CORO2B: variants seen among roughly 807,000 people sequenced by gnomAD.
The protein encoded by CORO2B is coronin-2B.
Under a neutral mutation model 58.8 loss-of-function variants are expected in CORO2B, and 26 were observed. The observed-to-expected ratio is 0.44, with a 90% CI of 0.32 to 0.61. CORO2B has a LOEUF of 0.61. CORO2B is among the 20% of genes least tolerant of loss of function. The pLI is 0.04. For missense variants in CORO2B, 460 were observed against 645.1 expected (o/e 0.71, Z 3.11); for synonymous variants, 242 against 253.8 (o/e 0.95, Z 0.44).
chr15:68,595,747 G>C (rs1410644206), intron 1 of CORO2B, among the ~76,000 whole-genome samples: 2 of 152,230 alleles, frequency 1.3e-5, no homozygotes, highest in Non-Finnish European at 2.9e-5. Flanking sequence ...CACACAGAGG[G>C]GACCAATTTC....
intron 2 of CORO2B, among the ~76,000 whole-genome samples, chr15:68,647,900 G>T (rs547693254): frequency 6.6e-6 from 1 of 150,518 alleles, no homozygotes; most frequent in Non-Finnish European, 1.5e-5. Context: ...ATGATGGCTT[G>T]CCCTGAAGTC....
At chr15:68,567,248 A>G in the CORO2B span, among the ~76,000 whole-genome samples, 2 of 152,224 alleles carry the variant, frequency 1.3e-5, no homozygotes, top group African/African-American at 4.8e-5. Context: ...ACAAGAGAAA[A>G]GCACATAAAT....
At chr15:68,636,822 G>T (rs1901046749) in intron 1 of CORO2B, among the ~76,000 whole-genome samples, 2 of 152,172 alleles carry the variant, frequency 1.3e-5, no homozygotes, top group Non-Finnish European at 2.9e-5. Flanking sequence ...GCTAATTGAT[G>T]TCTTTTCTCC....
intron 1 of CORO2B, among the ~76,000 whole-genome samples, chr15:68,643,297 G>A (rs1232542662): frequency 6.6e-6 from 1 of 152,054 alleles, no homozygotes; most frequent in Non-Finnish European, 1.5e-5. Context: ...GCTTGGGGAG[G>A]GGAGGGGAGA....
intron 1 of CORO2B, among the ~76,000 whole-genome samples, chr15:68,610,924 C>T (rs182863423): frequency 3.3e-5 from 5 of 152,312 alleles, no homozygotes; most frequent in Admixed American, 1.3e-4. Flanking sequence ...CCTTCCATTC[C>T]ACACCCTCGA....
intron 1 of CORO2B, among the ~76,000 whole-genome samples, chr15:68,635,173 C>T (rs1900992194): frequency 6.6e-6 from 1 of 152,208 alleles, no homozygotes. Context: ...CACCTTCACT[C>T]CTCTCCCCAC....
chr15:68,719,650 G>A, intron 11 of CORO2B, 98 bp downstream of exon 11: 1 of 1,374,524 alleles, frequency 7.3e-7, no homozygotes, highest in Non-Finnish European at 9.8e-7. Flanking sequence ...TCCATTCTGA[G>A]ACATTTTTCT....
At chr15:68,676,680 TGAG>T (rs1384049494) in intron 2 of CORO2B, among the ~76,000 whole-genome samples, 1 of 152,238 alleles carries the variant, frequency 6.6e-6, no homozygotes, top group Admixed American at 6.5e-5. Context: ...CGCAGCCACC[TGAG>T]GAGAGTGTTT....
At chr15:68,696,432 C>T (rs1596021480) in intron 3 of CORO2B, among the ~76,000 whole-genome samples, 1 of 151,620 alleles carries the variant, frequency 6.6e-6, no homozygotes, top group African/African-American at 2.4e-5. Context: ...CCCTGTAATC[C>T]CAGCTATTCG....
In CORO2B at chr15:68,691,327, C is replaced by CAAAAAAAAAAAAAAAAA. The variant is rs1192260415; in HGVS notation, c.217-3797_217-3796insAAAAAAAAAAAAAAAAA. Among the ~76,000 whole-genome samples, 3 of 9,542 alleles carry CAAAAAAAAAAAAAAAAA rather than the reference C, an allele frequency of 3.1e-4. 1 individual carries two copies. The highest frequency in any genetic ancestry group is 3.7e-4 in the African/African-American group (2 of 5,468). 6.3% of individuals were successfully genotyped at this position (9,542 alleles called of 152,430 possible). A position where few individuals can be genotyped will look rare whatever the true frequency, so the allele number is the denominator to read the frequency against. On this transcript the variant is annotated intron_variant, in intron 2 of 11. Coordinates refer to ENST00000261861, the MANE Select transcript of CORO2B (RefSeq NM_006091.5). ...CCTGGGAGACAGCGAGACTCCGTCT[C>CAAAAAAAAAAAAAAAAA]AAAAAAAAAAAAAAAAGGCCGGGCG...
Position 68,663,611 on chromosome 15 carries a change from C to T in CORO2B, c.216+18251C>T, listed in dbSNP as rs118151369. On this transcript the variant is annotated intron_variant, in intron 2 of 11. Coordinates refer to ENST00000261861, the MANE Select transcript of CORO2B (RefSeq NM_006091.5). ...ATCAAAATTAAAAACTTTTGCTCAT[C>T]GAAAGATTCATTAACAAAGTGAAAA... Among the ~76,000 whole-genome samples, 242 of 152,072 alleles carry T rather than the reference C, an allele frequency of 1.6e-3. 7 individuals carry two copies. In the East Asian group the frequency reaches 0.043, roughly 27 times the overall value.
intron 1 of CORO2B, among the ~76,000 whole-genome samples, chr15:68,607,872 A>G (rs1566983790): frequency 6.6e-6 from 1 of 152,126 alleles, no homozygotes; most frequent in South Asian, 2.1e-4. Context: ...CTCCTTTCTA[A>G]GAGAGGTCAG....
Position 68,725,858 on chromosome 15 carries a change from T to G in CORO2B, c.1327T>G (p.Phe443Val). The G allele has an allele frequency of 6.2e-7, 1 of 1,613,922 alleles. No homozygotes were observed. The highest frequency in any genetic ancestry group is 8.5e-7 in the Non-Finnish European group (1 of 1,180,004). ...TCCACCCCAGCTCCTTCGAATGTTCTTCCGGCAGCAGGATGAGATTCGACG... is the reference window on the plus strand; with the variant it reads ...TCCACCCCAGCTCCTTCGAATGTTCGTCCGGCAGCAGGATGAGATTCGACG... ...RTENELLRMF[F>V]RQQDEIRRLK... Residue 443 changes from phenylalanine to valine, a missense_variant, in exon 12 of 12, where the codon TTC becomes GTC. Coordinates refer to ENST00000261861, the MANE Select transcript of CORO2B (RefSeq NM_006091.5).
chr15:68,598,546 A>G (rs1044406473), intron 1 of CORO2B, among the ~76,000 whole-genome samples: 1 of 152,136 alleles, frequency 6.6e-6, no homozygotes, highest in East Asian at 1.9e-4. Flanking sequence ...TTCACACCCT[A>G]GACTAGAGAA....
intron 1 of CORO2B, among the ~76,000 whole-genome samples, chr15:68,626,136 CTT>C (rs1900675610): frequency 6.6e-6 from 1 of 152,210 alleles, no homozygotes. Context: ...AAGACTCACT[CTT>C]CAGCAATTTT....
chr15:68,714,908 C>T, intron 7 of CORO2B, among the ~76,000 whole-genome samples: 1 of 152,180 alleles, frequency 6.6e-6, no homozygotes, highest in East Asian at 1.9e-4. Flanking sequence ...TCAGAGCCTG[C>T]AGTGTAGTCA....
At chr15:68,536,497 C>T in the CORO2B span, among the ~76,000 whole-genome samples, 1 of 152,188 alleles carries the variant, frequency 6.6e-6, no homozygotes, top group Non-Finnish European at 1.5e-5. Context: ...CACAGCATTT[C>T]AGAACGTTGG....
the CORO2B span, among the ~76,000 whole-genome samples, chr15:68,553,396 C>T: frequency 0.025 from 3,736 of 151,970 alleles, 163 homozygotes; most frequent in African/African-American, 0.083. Flanking sequence ...GGTTGGAGAG[C>T]GAGATGTGAT....
chr15:68,723,794 A>G (rs1596042457), intron 11 of CORO2B, among the ~76,000 whole-genome samples: 2 of 152,176 alleles, frequency 1.3e-5, no homozygotes, highest in African/African-American at 4.8e-5. Flanking sequence ...AACATAAAAC[A>G]TGCGAGGTGT....
Sources: allele counts gnomAD v4.1 joint callset (sites outside exome capture counted in the v4.1 genomes callset), GRCh38; gene constraint gnomAD v4.1.1; transcripts MANE v1.5; gene names NCBI Gene and HGNC (gene_info 2026-07-23, HGNC 2026-07-21).